The following TMEM230 variants were observed in gnomAD, a reference collection of about 807,000 sequenced individuals.
TMEM230 encodes the protein UPF0414 transmembrane protein C20orf30.
A neutral mutation model predicts 15.8 loss-of-function variants in TMEM230; 10 were observed. The ratio of observed to expected loss-of-function variants is 0.63; its 90% CI spans 0.39 to 1.07. TMEM230 has a LOEUF of 1.07. Among genes scored for constraint, TMEM230 ranks in the 50% least tolerant of loss-of-function variants. The pLI is 0.01. For synonymous variants in TMEM230, 67 were observed against 76.9 expected (o/e 0.87, Z 0.68); for missense variants, 165 against 193.3 (o/e 0.85, Z 0.87).
chr20:5,077,756 C>T (rs991900461), intron 3 of TMEM230, among the ~76,000 whole-genome samples: 11 of 151,730 alleles, frequency 7.2e-5, no homozygotes, highest in African/African-American at 2.7e-4. Context: ...ATCACTTGAA[C>T]CTGGGAGGCA....
chr20:5,066,970 G>A (rs766966415), downstream of TMEM230, among the ~76,000 whole-genome samples: 5 of 152,102 alleles, frequency 3.3e-5, no homozygotes, highest in Admixed American at 2.0e-4. Flanking sequence ...ATATTCCACC[G>A]TCTTAGCTTG....
In TMEM230 at chr20:5,111,446, T is replaced by C. The variant is rs567482407; in HGVS notation, c.174+54A>G. The C allele has an allele frequency of 6.4e-5, 11 of 172,484 alleles. No homozygotes were observed. The East Asian group carries it at 1.3e-3, about 21-fold the overall frequency. The allele number at this position is 172,484 out of a possible 1,614,324, so 10.7% of individuals were successfully genotyped here. The stretch of plus-strand genomic sequence containing the variant: ...CAATATGGGGAAACCCTGTCTCTAC[T>C]AGAAATACAAAAATTAGCCGGGCAT... On this transcript the variant is annotated intron_variant, in intron 2 of 4. Coordinates refer to ENST00000342308, the MANE Select transcript of TMEM230 (RefSeq NM_001009923.2).
chr20:5,063,277 ATTTTTTTTTTTTT>A (rs1165126313), downstream of TMEM230, among the ~76,000 whole-genome samples: 2 of 86,412 alleles, frequency 2.3e-5, no homozygotes, highest in South Asian at 5.3e-4. Flanking sequence ...GCTGCTATGA[ATTTTTTTTTTTTT>A]TTTTTTTTTT....
At chr20:5,111,636 A>G (rs1455784638) in intron 1 of TMEM230, 1 of 183,838 alleles carries the variant, frequency 5.4e-6, no homozygotes, top group African/African-American at 2.6e-5. Context: ...AAAAAAAAAA[A>G]AAAAAAAAAA....
intron 3 of TMEM230, among the ~76,000 whole-genome samples, chr20:5,086,131 G>C (rs189361830): frequency 1.3e-5 from 2 of 151,526 alleles, no homozygotes; most frequent in Non-Finnish European, 2.9e-5. Context: ...GCGGTGGCTC[G>C]TGCCTGTAAT....
chr20:5,089,255 G>C (rs2122644624), intron 3 of TMEM230, among the ~76,000 whole-genome samples: 1 of 152,082 alleles, frequency 6.6e-6, no homozygotes, highest in South Asian at 2.1e-4. Context: ...CGCACCTATA[G>C]TCCCAGCTAT....
intron 4 of TMEM230, among the ~76,000 whole-genome samples, chr20:5,105,541 A>C (rs1238891580): frequency 6.6e-6 from 1 of 152,028 alleles, no homozygotes; most frequent in Non-Finnish European, 1.5e-5. Flanking sequence ...CAGTTAGCCG[A>C]TATTATGCCA....
intron 3 of TMEM230, among the ~76,000 whole-genome samples, chr20:5,075,214 C>A (rs141396210): frequency 1.3e-5 from 2 of 151,702 alleles, no homozygotes; most frequent in South Asian, 4.2e-4. Flanking sequence ...TATAGGCATA[C>A]GCCACCAGGC....
chr20:5,099,214 ATAAATAAATAAATAAATAAAT>A (rs2089755610), downstream of TMEM230, among the ~76,000 whole-genome samples: 1 of 86,180 alleles, frequency 1.2e-5, no homozygotes. Flanking sequence ...AAATAAATAA[ATAAATAAATAAATAAATAAAT>A]CAATCAATCA....
chr20:5,112,606 C>T, intron 1 of TMEM230: 1 of 1,020,302 alleles, frequency 9.8e-7, no homozygotes, highest in Non-Finnish European at 1.3e-6. Flanking sequence ...TCTTCGTTGC[C>T]AACAGGCTTT....
At chr20:5,092,421 G>A (rs777310973) in intron 3 of TMEM230, among the ~76,000 whole-genome samples, 18 of 151,952 alleles carry the variant, frequency 1.2e-4, no homozygotes, top group African/African-American at 2.9e-4. Flanking sequence ...TAATACACAC[G>A]TTAAGAGAAA....
chr20:5,065,209 C>T (rs927167417), downstream of TMEM230, among the ~76,000 whole-genome samples: 10 of 151,648 alleles, frequency 6.6e-5, no homozygotes, highest in African/African-American at 1.9e-4. Flanking sequence ...CACCTGAGCT[C>T]GAGTTTGAGA....
intron 4 of TMEM230, among the ~76,000 whole-genome samples, chr20:5,101,781 T>TG (rs543339155): frequency 9.8e-5 from 15 of 152,296 alleles, no homozygotes; most frequent in Admixed American, 4.6e-4. Flanking sequence ...CAAGACAACT[T>TG]GGACACTGTG....
chr20:5,071,148 G>C (rs749805424), intron 3 of TMEM230, among the ~76,000 whole-genome samples: 51 of 152,146 alleles, frequency 3.4e-4, no homozygotes, highest in Admixed American at 1.3e-4. Flanking sequence ...AAGCTTGGGA[G>C]TGCGGATACC....
In TMEM230 at chr20:5,106,262, T is replaced by C; in HGVS notation, c.337A>G (p.Thr113Ala). 1 of 1,614,006 alleles carries C rather than the reference T, an allele frequency of 6.2e-7. No individual in the cohort carries two copies. Among genetic ancestry groups the C allele is most frequent in the Non-Finnish European group, 8.5e-7 (1 of 1,179,982 alleles). ...AAGGCGCCAATCAAAAACAGCACAGTGGCAAGTGCGATGGCCTTATAAGGG... is the reference window on the plus strand; with the variant it reads ...AAGGCGCCAATCAAAAACAGCACAGCGGCAAGTGCGATGGCCTTATAAGGG... Residue 113 changes from threonine (T) to alanine (A), a missense_variant, in exon 4 of 5, where the codon ACT (threonine) becomes GCT (alanine). By Grantham distance (58) the Thr-to-Ala change is moderately conservative. Coordinates refer to ENST00000342308, the MANE Select transcript of TMEM230 (RefSeq NM_001009923.2).
At chr20:5,059,186 C>A in the TMEM230 span, among the ~76,000 whole-genome samples, 3 of 150,994 alleles carry the variant, frequency 2.0e-5, no homozygotes, top group Admixed American at 2.0e-4. Flanking sequence ...TTTTTTGAGA[C>A]AGGTTTTGTT....
intron 3 of TMEM230, among the ~76,000 whole-genome samples, chr20:5,090,404 C>T (rs998131377): frequency 6.6e-6 from 1 of 152,104 alleles, no homozygotes; most frequent in African/African-American, 2.4e-5. Context: ...AACCAAGAAT[C>T]AGAAGTCACG....
chr20:5,069,953 G>A (rs2088768648), intron 3 of TMEM230, among the ~76,000 whole-genome samples: 1 of 152,148 alleles, frequency 6.6e-6, no homozygotes, highest in South Asian at 2.1e-4. Context: ...CAAGTGATCT[G>A]CCTGCCTCGA....
chr20:5,086,412 G>A (rs1425970331), intron 3 of TMEM230, among the ~76,000 whole-genome samples: 7 of 151,224 alleles, frequency 4.6e-5, no homozygotes, highest in Non-Finnish European at 1.0e-4. Context: ...GGTGGCGTGC[G>A]CCTGTAGTCC....
Sources: gnomAD v4.1 joint callset for allele counts (sites outside exome capture counted in the v4.1 genomes callset) on GRCh38, gnomAD v4.1.1 for gene constraint, MANE v1.5 for transcripts, NCBI Gene and HGNC (gene_info 2026-07-23, HGNC 2026-07-21) for gene names.